CAPS2: variants seen among roughly 807,000 people sequenced by gnomAD.
CAPS2 encodes the protein calcyphosine 2, also known as calcyphosin-2.
A neutral mutation model predicts 86.5 loss-of-function variants in CAPS2; 98 were observed. That is an observed-to-expected ratio of 1.13 (90% CI 0.96 to 1.34). The LOEUF is 1.34. Ranked by LOEUF, CAPS2 falls within the 40% of genes most tolerant of loss-of-function variation. The pLI is 0.00. For missense variants in CAPS2, 729 were observed against 686.8 expected (o/e 1.06, Z -0.69); for synonymous variants, 210 against 225.1 (o/e 0.93, Z 0.60).
chr12:75,368,809 C>A (rs1280518968), intron 1 of CAPS2, among the ~76,000 whole-genome samples: 3 of 151,698 alleles, frequency 2.0e-5, no homozygotes, highest in Non-Finnish European at 4.4e-5. Context: ...CTCTATAAAG[C>A]TATTTTGTTC....
At chr12:75,280,407 T>C (rs548084001) in intron 16 of CAPS2, among the ~76,000 whole-genome samples, 59 of 151,984 alleles carry the variant, frequency 3.9e-4, no homozygotes, top group African/African-American at 1.3e-3. Flanking sequence ...TTGTCATTTT[T>C]AATATGAACG....
chr12:75,320,719 A>C (rs2040221753), intron 5 of CAPS2, among the ~76,000 whole-genome samples: 1 of 151,978 alleles, frequency 6.6e-6, no homozygotes, highest in East Asian at 1.9e-4. Context: ...AAGTTAACTG[A>C]ATTAAAAATT....
At chr12:75,368,389 A>G (rs892954683) in intron 1 of CAPS2, among the ~76,000 whole-genome samples, 5 of 151,516 alleles carry the variant, frequency 3.3e-5, no homozygotes, top group African/African-American at 1.2e-4. Context: ...TCTTGAACTA[A>G]TGCTACTTCT....
chr12:75,277,764 T>C (rs2033182739), exon 17 of CAPS2: 10 of 814,236 alleles, frequency 1.2e-5, no homozygotes, highest in Admixed American at 6.3e-5. Context: ...ACTTATTTTT[T>C]CTAATTTATG....
At chr12:75,310,702 C>A (rs534917134) in intron 7 of CAPS2, among the ~76,000 whole-genome samples, 1 of 152,038 alleles carries the variant, frequency 6.6e-6, no homozygotes, top group Non-Finnish European at 1.5e-5. Context: ...CACAGTTATA[C>A]GACTCTGCTA....
chr12:75,362,653 T>A (rs952521922), intron 1 of CAPS2, among the ~76,000 whole-genome samples: 1 of 152,170 alleles, frequency 6.6e-6, no homozygotes, highest in Non-Finnish European at 1.5e-5. Flanking sequence ...TGACTTATAC[T>A]ATTAAAAATC....
intron 1 of CAPS2, among the ~76,000 whole-genome samples, chr12:75,357,713 T>A (rs1338907914): frequency 6.6e-6 from 1 of 152,036 alleles, no homozygotes; most frequent in Non-Finnish European, 1.5e-5. Context: ...CATTGTCCAA[T>A]GTCCAATGTC....
At chr12:75,298,774 A>C (rs1345639547) in exon 11 of CAPS2, 1 of 1,613,034 alleles carries the variant, frequency 6.2e-7, no homozygotes, top group Non-Finnish European at 8.5e-7. Context: ...AAGGAAGCAC[A>C]TTTGTTCTAG....
intron 1 of CAPS2, among the ~76,000 whole-genome samples, chr12:75,368,980 T>G (rs969281927): frequency 1.3e-5 from 2 of 151,994 alleles, no homozygotes; most frequent in African/African-American, 4.8e-5. Context: ...TATGTTTCAT[T>G]TATGTTCTAT....
chr12:75,369,597 T>C (rs541951895), intron 1 of CAPS2: 103 of 984,840 alleles, frequency 1.0e-4, no homozygotes, highest in Middle Eastern at 5.2e-4. Context: ...AATGAGATTG[T>C]TAATGAGTTC....
chr12:75,319,545 A>G (rs1182472249), intron 5 of CAPS2, among the ~76,000 whole-genome samples: 1 of 152,184 alleles, frequency 6.6e-6, no homozygotes, highest in Non-Finnish European at 1.5e-5. Flanking sequence ...ATGAAGCCAA[A>G]TAAACCCTTC....
chr12:75,285,231 A>G (rs2034659276), intron 14 of CAPS2, 151 bp from the exon 15 acceptor site: 1 of 751,100 alleles, frequency 1.3e-6, no homozygotes, highest in African/African-American at 1.8e-5. Context: ...TCCAATCAAA[A>G]CCACTAAAAA....
chr12:75,293,455 A>G (rs2036360382), intron 11 of CAPS2, 88 bp from the exon 12 acceptor site: 1 of 826,502 alleles, frequency 1.2e-6, no homozygotes, highest in Admixed American at 2.2e-5. Context: ...GATTTTGATT[A>G]ATGTGACACG....
At chr12:75,365,821 T>C (rs929609727) in intron 1 of CAPS2, among the ~76,000 whole-genome samples, 5 of 152,162 alleles carry the variant, frequency 3.3e-5, no homozygotes, top group Admixed American at 3.3e-4. Context: ...AGGCTAACTA[T>C]ATGAGTATTT....
exon 17 of CAPS2, chr12:75,277,591 GT>G (rs1593147793): frequency 9.2e-6 from 9 of 978,868 alleles, no homozygotes; most frequent in Non-Finnish European, 1.1e-5. Flanking sequence ...TCCCTCTCAT[GT>G]TTTAGTATTA....
Position 75,314,006 on chromosome 12 carries a change from G to A in CAPS2, c.592-1091C>T, listed in dbSNP as rs575336846. 4.6e-5 allele frequency among the ~76,000 whole-genome samples: 7 copies of A among 152,104 alleles called. No individual in the cohort carries two copies. The East Asian group carries it at 7.7e-4, about 17-fold the overall frequency. On this transcript the variant is annotated intron_variant, in intron 6 of 16. Coordinates refer to ENST00000393284, the Ensembl canonical transcript of CAPS2. The stretch of plus-strand genomic sequence containing the variant: ...ACTACCACAGCTCACTGCAACCTCC[G>A]CCTCCCAGATTCAAGTGATTCTCAT...
chr12:75,296,095 T>C (rs1206185393), intron 11 of CAPS2, among the ~76,000 whole-genome samples: 3 of 151,976 alleles, frequency 2.0e-5, no homozygotes, highest in African/African-American at 7.3e-5. Context: ...AACACAGCAG[T>C]TTAGATTGAC....
exon 17 of CAPS2, chr12:75,279,005 C>G: frequency 1.2e-6 from 2 of 1,610,538 alleles, no homozygotes; most frequent in Non-Finnish European, 1.7e-6. Context: ...ATCAGACTTG[C>G]TGCAGGCAAC....
chr12:75,335,934 G>A (rs1399425071), intron 1 of CAPS2, among the ~76,000 whole-genome samples: 1 of 151,940 alleles, frequency 6.6e-6, no homozygotes, highest in Non-Finnish European at 1.5e-5. Context: ...ATAAAAAAGA[G>A]TAAATGTGGG....
Sources: gnomAD v4.1 joint callset for allele counts (sites outside exome capture counted in the v4.1 genomes callset) on GRCh38, gnomAD v4.1.1 for gene constraint, MANE v1.5 for transcripts, NCBI Gene and HGNC (gene_info 2026-07-23, HGNC 2026-07-21) for gene names.